Variants in UBE2J1 observed in about 807,000 individuals in gnomAD.
UBE2J1 encodes the protein ubiquitin conjugating enzyme E2 J1, also known as ubiquitin-conjugating enzyme E2 J1.
A neutral mutation model predicts 42.1 loss-of-function variants in UBE2J1; 17 were observed. The observed-to-expected ratio is 0.40, with a 90% CI of 0.28 to 0.61. The LOEUF is 0.61. Ranked by LOEUF, UBE2J1 falls within the 20% of genes least tolerant of loss-of-function variation. The pLI is 0.38. For synonymous variants in UBE2J1, 127 were observed against 137.2 expected, an observed-to-expected ratio of 0.93 and a Z score of 0.52; for missense variants, 291 against 389.4, an observed-to-expected ratio of 0.75 and a Z score of 2.13.
rs1767962185 is a variant in UBE2J1 at position 89,329,498 on chromosome 6, G to A, written c.*181C>T. On this transcript the variant is annotated 3_prime_UTR_variant, in exon 8 of 8. Coordinates refer to ENST00000435041, the MANE Select transcript of UBE2J1 (RefSeq NM_016021.3). ...CTTTGACTTCTAGTCCCTTTAAGCA[G>A]GACGTAACTGCTAGACACAGTCTGA... 1 of 649,930 alleles carries A rather than the reference G, an allele frequency of 1.5e-6. No individual in the cohort carries two copies. Among genetic ancestry groups the A allele is most frequent in the African/African-American group, 1.8e-5 (1 of 54,500 alleles). 40.3% of individuals were successfully genotyped at this position (649,930 alleles called of 1,614,324 possible).
chr6:89,333,256 A>C (rs1445504524), intron 6 of UBE2J1, 51 bp from the exon 7 acceptor site: 2 of 1,561,012 alleles, frequency 1.3e-6, no homozygotes, highest in Non-Finnish European at 1.7e-6. Context: ...AACAACAGGA[A>C]ACATACACAA....
intron 6 of UBE2J1, among the ~76,000 whole-genome samples, chr6:89,333,742 A>AT (rs1714734785): frequency 6.6e-6 from 1 of 152,168 alleles, no homozygotes; most frequent in African/African-American, 2.4e-5. Flanking sequence ...TGGTCCTGAG[A>AT]TTTTTCAGAA....
intron 1 of UBE2J1, among the ~76,000 whole-genome samples, chr6:89,345,230 GGA>G (rs1335685385): frequency 6.6e-6 from 1 of 152,106 alleles, no homozygotes; most frequent in Admixed American, 6.5e-5. Context: ...AATGTTATGG[GGA>G]GAGAGATTAA....
chr6:89,329,971 A>T lies in UBE2J1; in HGVS notation c.679-14T>A. 1.2e-6 allele frequency: 2 copies of T among 1,612,570 alleles called. No homozygotes were observed. Among genetic ancestry groups the T allele is most frequent in the Non-Finnish European group, 1.7e-6 (2 of 1,179,378 alleles). On this transcript the variant is annotated splice_polypyrimidine_tract_variant and intron_variant, in intron 7 of 7. Coordinates refer to ENST00000435041, the MANE Select transcript of UBE2J1 (RefSeq NM_016021.3). ...CTGGAGTCCGTACTAGGAAATTTTAAGAAACTTTGTTTGAAACTGGCAAAG... is the reference window on the plus strand; with the variant it reads ...CTGGAGTCCGTACTAGGAAATTTTATGAAACTTTGTTTGAAACTGGCAAAG...
Position 89,338,500 on chromosome 6 carries a change from A to T in UBE2J1, c.281T>A (p.Ile94Asn), listed in dbSNP as rs539906752. 6.3e-7 allele frequency: 1 copy of T among 1,599,208 alleles called. No individual in the cohort carries two copies. Among genetic ancestry groups the T allele is most frequent in the East Asian group, 2.2e-5 (1 of 44,786 alleles). The change falls in exon 4 of 8, where the codon ATC becomes AAC. Residue 94 changes from isoleucine (I) to asparagine (N), a missense_variant. This residue lies in a region of UBE2J1 where 115 missense variants were observed against 193.1 expected (regional missense o/e 0.60). Transcript: ENST00000435041. ...FEVGKKICLS[I>N]SGHHPETWQP... is the part of the protein sequence containing the mutation. ...CCAAGTTTCAGGATGATGGCCTGAGATGCTCAAACAGATTTTCTTGCCCAC... is the reference window on the plus strand; with the variant it reads ...CCAAGTTTCAGGATGATGGCCTGAGTTGCTCAAACAGATTTTCTTGCCCAC...
At chr6:89,351,375 T>A (rs1165570882) in intron 1 of UBE2J1, among the ~76,000 whole-genome samples, 1 of 152,088 alleles carries the variant, frequency 6.6e-6, no homozygotes, top group African/African-American at 2.4e-5. Flanking sequence ...TTCATCAGAT[T>A]TTTTTAAGGA....
Position 89,329,253 on chromosome 6 carries a change from C to A in UBE2J1, c.*426G>T. 1 of 158,152 alleles carries A rather than the reference C, an allele frequency of 6.3e-6. No homozygotes were observed. Among genetic ancestry groups the A allele is most frequent in the Non-Finnish European group, 1.4e-5 (1 of 72,394 alleles). 9.8% of individuals were successfully genotyped at this position (158,152 alleles called of 1,614,324 possible). A position where few individuals can be genotyped will look rare whatever the true frequency, so the allele number is the denominator to read the frequency against. ...GAGGAGTTTTGCTTTCCCTTTTCAA[C>A]TCTTCTATCCCTATACATTCTACAT... On this transcript the variant is annotated 3_prime_UTR_variant, in exon 8 of 8. Coordinates refer to ENST00000435041, the MANE Select transcript of UBE2J1 (RefSeq NM_016021.3).
At chr6:89,335,522 A>G (rs1352177189) in intron 5 of UBE2J1, 91 bp from the exon 6 acceptor site, 2 of 948,508 alleles carry the variant, frequency 2.1e-6, no homozygotes, top group Non-Finnish European at 2.9e-6. Context: ...CATTAAACTT[A>G]AAAGAAAGGA....
rs1359089580 is a variant in UBE2J1 at position 89,352,578 on chromosome 6, G to A, written c.-9C>T. 7 of 1,563,628 alleles carry A rather than the reference G, an allele frequency of 4.5e-6. No individual in the cohort carries two copies. Among genetic ancestry groups the A allele is most frequent in the Non-Finnish European group, 4.3e-6 (5 of 1,162,222 alleles). The stretch of plus-strand genomic sequence containing the variant: ...TTGTAGCGGGTCTCCATGGTGGGTC[G>A]CTGGCTTGGCTCCGGCCTCCCGGGC... On this transcript the variant is annotated 5_prime_UTR_variant, in exon 1 of 8. Coordinates refer to ENST00000435041, the MANE Select transcript of UBE2J1 (RefSeq NM_016021.3).
intron 5 of UBE2J1, among the ~76,000 whole-genome samples, chr6:89,336,847 T>TG (rs956390200): frequency 2.7e-5 from 4 of 150,194 alleles, no homozygotes; most frequent in Admixed American, 2.7e-4. Context: ...AAATCTTTGT[T>TG]TTTTTTTTTT....
rs1768264850 is a variant in UBE2J1 at position 89,342,435 on chromosome 6, G to A, written c.126C>T (p.His42=). The change falls in exon 3 of 8, where the codon CAC becomes CAT. Residue 42 remains histidine, a synonymous_variant. Transcript: ENST00000435041. Reference sequence around the variant, plus strand: ...AGTCTGGGGGCCCTCTAACCGTGAAGTGCCATTCAAAAAGGTTATCCTGAA... The same window carrying A: ...AGTCTGGGGGCCCTCTAACCGTGAAATGCCATTCAAAAAGGTTATCCTGAA... ...QPLEDNLFEW[H]FTVRGPPDSD... is the part of the protein sequence containing the mutation. 2 of 1,609,378 alleles carry A rather than the reference G, an allele frequency of 1.2e-6. No individual in the cohort carries two copies. Among genetic ancestry groups the A allele is most frequent in the African/African-American group, 2.7e-5 (2 of 74,622 alleles).
intron 6 of UBE2J1, among the ~76,000 whole-genome samples, chr6:89,333,971 TAATAC>T (rs1768059984): frequency 6.6e-6 from 1 of 152,026 alleles, no homozygotes; most frequent in Non-Finnish European, 1.5e-5. Context: ...ATTAAATACT[TAATAC>T]TTTACGTCTG....
intron 1 of UBE2J1, among the ~76,000 whole-genome samples, chr6:89,350,600 T>C (rs868790606): frequency 3.3e-5 from 5 of 152,086 alleles, no homozygotes; most frequent in African/African-American, 1.2e-4. Flanking sequence ...TTTTTTTTTT[T>C]AGAGCAGCAA....
In UBE2J1 at chr6:89,352,458, C is replaced by A. The variant is rs372905139; in HGVS notation, c.31+81G>T. The A allele has an allele frequency of 6.6e-5, 95 of 1,442,770 alleles. No homozygotes were observed. The East Asian group carries it at 7.5e-4, about 11-fold the overall frequency. The allele number at this position is 1,442,770 out of a possible 1,614,324, so 89.4% of individuals were successfully genotyped here. A position where few individuals can be genotyped will look rare whatever the true frequency, so the allele number is the denominator to read the frequency against. On this transcript the variant is annotated intron_variant, in intron 1 of 7. Coordinates refer to ENST00000435041, the MANE Select transcript of UBE2J1 (RefSeq NM_016021.3). ...GAGCTGAGCCGCGAGTGGCGCCAGA[C>A]GCGAGGGGACCGAGGCGGCGACCAC...
In UBE2J1 at chr6:89,326,712, AT is replaced by A. The variant is rs1218591830; in HGVS notation, c.*2966del. 6.6e-6 allele frequency: 1 copy of A among 152,226 alleles called. No individual in the cohort carries two copies. Among genetic ancestry groups the A allele is most frequent in the African/African-American group, 2.4e-5 (1 of 41,456 alleles). 9.4% of individuals were successfully genotyped at this position (152,226 alleles called of 1,614,324 possible). A position where few individuals can be genotyped will look rare whatever the true frequency, so the allele number is the denominator to read the frequency against. On this transcript the variant is annotated 3_prime_UTR_variant, in exon 8 of 8. Transcript: ENST00000435041. ...AGGCGTTCCCAACAGCTTTTGAGCA[AT>A]GCACAGCCTCCCATAAAACCTTAAA...
At chr6:89,343,557 T>C (rs1768300160) in intron 2 of UBE2J1, 126 bp downstream of exon 2, 1 of 509,002 alleles carries the variant, frequency 2.0e-6, no homozygotes, top group South Asian at 3.5e-5. Context: ...ATTCATGAAA[T>C]ATGGTGAATA....
Position 89,343,694 on chromosome 6 carries a change from G to A in UBE2J1, c.94C>T (p.Gln32Ter), listed in dbSNP as rs375490992. 1 of 1,606,614 alleles carries A rather than the reference G, an allele frequency of 6.2e-7. No individual in the cohort carries two copies. Among genetic ancestry groups the A allele is most frequent in the Non-Finnish European group, 8.5e-7 (1 of 1,176,950 alleles). ...AGATAGAAACTAACCTCTAAAGGCT[G>A]CGCATGGTAATGATCTGTTGGATCT... ...LKDPTDHYHA[Q>*]PLEDNLFEWH... Residue 32 changes from glutamine to a stop codon, truncating the protein, a stop_gained, in exon 2 of 8, where the codon CAG (glutamine) becomes TAG (stop). Transcript: ENST00000435041. LOFTEE classifies it high-confidence loss of function.
At chr6:89,338,862 T>A (rs1369533621) in intron 3 of UBE2J1, among the ~76,000 whole-genome samples, 1 of 151,942 alleles carries the variant, frequency 6.6e-6, no homozygotes, top group Non-Finnish European at 1.5e-5. Flanking sequence ...AGACGGGGTT[T>A]CACCGTGTTA....
rs748832646 is a variant in UBE2J1 at position 89,333,177 on chromosome 6, A to G, written c.587T>C (p.Ile196Thr). The change falls in exon 7 of 8, where the codon ATC becomes ACC. Residue 196 changes from isoleucine to threonine, a missense_variant. Physicochemically the swap from Ile to Thr is moderately conservative, Grantham distance 89. Coordinates refer to ENST00000435041, the MANE Select transcript of UBE2J1 (RefSeq NM_016021.3). The stretch of plus-strand genomic sequence containing the variant: ...AGAGTGGTTTAAGTCTGACTCAGAG[A>G]TAGTCTTTCCAGATGAATTGACTTC... ...KAEVNSSGKT[I>T]SESDLNHSFS... 1.2e-5 allele frequency: 20 copies of G among 1,612,772 alleles called. No individual in the cohort carries two copies. Among genetic ancestry groups the G allele is most frequent in the Non-Finnish European group, 1.7e-5 (20 of 1,179,402 alleles).
Sources: gnomAD v4.1 joint callset for allele counts (sites outside exome capture counted in the v4.1 genomes callset) on GRCh38, gnomAD v4.1.1 for gene constraint, gnomAD v4.1.1 regional missense constraint, MANE v1.5 for transcripts, NCBI Gene and HGNC (gene_info 2026-07-23, HGNC 2026-07-21) for gene names.